Variants in MAP4 observed in about 807,000 individuals in gnomAD.
The protein encoded by MAP4 is microtubule associated protein 4, also known as microtubule-associated protein 4.
A neutral mutation model predicts 170.2 loss-of-function variants in MAP4; 76 were observed. The observed-to-expected ratio is 0.45, with a 90% CI of 0.37 to 0.54. The LOEUF (loss-of-function observed/expected upper bound fraction) is 0.54. MAP4 is among the 20% of genes least tolerant of loss of function. MAP4 has a pLI of 0.00. For synonymous variants in MAP4, 909 were observed against 994.5 expected, an observed-to-expected ratio of 0.91 and a Z score of 1.62; for missense variants, 2,506 against 2,748.0, an observed-to-expected ratio of 0.91 and a Z score of 1.97.
At chr3:48,052,244 C>CA (rs753707545) in intron 1 of MAP4, among the ~76,000 whole-genome samples, 1 of 152,100 alleles carries the variant, frequency 6.6e-6, no homozygotes, top group Non-Finnish European at 1.5e-5. Flanking sequence ...TTTTTTGAGA[C>CA]AGAGTCTCGC....
intron 10 of MAP4, among the ~76,000 whole-genome samples, chr3:47,887,716 A>T (rs181432086): frequency 1.2e-3 from 183 of 152,330 alleles, no homozygotes; most frequent in African/African-American, 4.2e-3. Flanking sequence ...TACCTCAGGG[A>T]TTGTAAATAC....
In MAP4 at chr3:47,911,086, G is replaced by A; in HGVS notation, c.3335C>T (p.Thr1112Ile). The A allele has an allele frequency of 1.3e-6, 2 of 1,536,152 alleles. No individual in the cohort carries two copies. The highest frequency in any genetic ancestry group is 1.2e-5 in the South Asian group (1 of 84,058). ...EPVSKTEGMT[T>I]QDKSEELGLN... Reference sequence around the variant, plus strand: ...CCCCAGCTCCTCACTCTTATCCTGAGTAGTCATTCCTTCAGTTTTAGAGAC... The same window carrying A: ...CCCCAGCTCCTCACTCTTATCCTGAATAGTCATTCCTTCAGTTTTAGAGAC... The change falls in exon 9 of 21, where the codon ACT becomes ATT. Residue 1112 changes from threonine to isoleucine, a missense_variant. Thr to Ile is a moderately conservative substitution (Grantham distance 89). Transcript: ENST00000683076. The surrounding 1 kb of genome is among the most constrained non-coding windows in gnomAD (Gnocchi z 4.0).
chr3:47,870,453 G>T (rs1344569324), intron 15 of MAP4, among the ~76,000 whole-genome samples: 1 of 152,184 alleles, frequency 6.6e-6, no homozygotes, highest in Non-Finnish European at 1.5e-5. Context: ...TGCAGGCTAA[G>T]AACCATGAAA....
At chr3:47,952,051 G>A (rs1407174934) in intron 3 of MAP4, among the ~76,000 whole-genome samples, 1 of 150,838 alleles carries the variant, frequency 6.6e-6, no homozygotes, top group East Asian at 2.0e-4. Flanking sequence ...GACCCCGTCT[G>A]GGAGGTGAGG....
intron 3 of MAP4, among the ~76,000 whole-genome samples, chr3:47,959,252 A>G (rs1317536719): frequency 6.6e-6 from 1 of 151,950 alleles, no homozygotes; most frequent in Non-Finnish European, 1.5e-5. Flanking sequence ...GGATCACCTG[A>G]GGTCAGGAGT....
intron 1 of MAP4, among the ~76,000 whole-genome samples, chr3:48,045,396 G>A (rs1032949197): frequency 3.3e-5 from 5 of 152,124 alleles, no homozygotes; most frequent in East Asian, 1.9e-4. Flanking sequence ...GAGCATCTCT[G>A]CCTCCTGTCA....
intron 3 of MAP4, among the ~76,000 whole-genome samples, chr3:47,944,563 A>T (rs963538638): frequency 1.3e-5 from 2 of 151,956 alleles, no homozygotes; most frequent in Non-Finnish European, 2.9e-5. Flanking sequence ...TTTGGGGAAA[A>T]TGCTAAACCA....
At chr3:48,055,194 C>CTCTCCGTCTCCGTCTCCG (rs1209559579) in intron 1 of MAP4, among the ~76,000 whole-genome samples, 1 of 98,744 alleles carries the variant, frequency 1.0e-5, no homozygotes, top group African/African-American at 3.0e-5. Flanking sequence ...CTCCCTCTCC[C>CTCTCCGTCTCCGTCTCCG]TCTCCGTCTC....
intron 3 of MAP4, among the ~76,000 whole-genome samples, chr3:47,942,805 A>C (rs2100057323): frequency 6.6e-6 from 1 of 152,192 alleles, no homozygotes; most frequent in African/African-American, 2.4e-5. Context: ...ACTTTTCTAT[A>C]AATTTGAAAT....
Position 47,875,740 on chromosome 3 carries a change from G to C in MAP4, c.5702C>G (p.Pro1901Arg). 1 of 1,613,914 alleles carries C rather than the reference G, an allele frequency of 6.2e-7. No homozygotes were observed. ...GGAAGGCCTGGCAGAGGCGACGGCA[G>C]GGCGTTTGGGTGGGGCAGCTGGCAC... ...GLVPAAPPKR[P>R]AVASARPSIL... Residue 1901 changes from proline (P) to arginine (R), a missense_variant, in exon 12 of 21, where the codon CCT (proline) becomes CGT (arginine). Physicochemically the swap from Pro to Arg is moderately radical, Grantham distance 103. This residue lies in a region of MAP4 where 487 missense variants were observed against 511.6 expected (regional missense o/e 0.95). Transcript: ENST00000683076.
chr3:47,927,750 C>T (rs1310119800), intron 4 of MAP4, among the ~76,000 whole-genome samples: 1 of 152,206 alleles, frequency 6.6e-6, no homozygotes, highest in Non-Finnish European at 1.5e-5. Context: ...GCTGGGATTA[C>T]AGGCATAACC....
At chr3:47,863,688 G>A (rs980934865) in intron 17 of MAP4, among the ~76,000 whole-genome samples, 2 of 151,918 alleles carry the variant, frequency 1.3e-5, no homozygotes, top group African/African-American at 2.4e-5. Flanking sequence ...AGGGTGAAAT[G>A]GAACCAAAAC....
At chr3:48,016,973 T>A (rs983380682), upstream of MAP4, among the ~76,000 whole-genome samples, 1 of 151,600 alleles carries the variant, frequency 6.6e-6, no homozygotes, top group African/African-American at 2.4e-5. Flanking sequence ...GAGACGAGGT[T>A]TCATCATGTT....
chr3:47,925,330 A>G (rs1054104200), intron 4 of MAP4, among the ~76,000 whole-genome samples: 1 of 152,006 alleles, frequency 6.6e-6, no homozygotes, highest in Non-Finnish European at 1.5e-5. Flanking sequence ...TTTTTTTCCT[A>G]CTCAAAATTG....
At chr3:47,882,326 G>A (rs2096896033) in intron 10 of MAP4, among the ~76,000 whole-genome samples, 1 of 152,066 alleles carries the variant, frequency 6.6e-6, no homozygotes. Context: ...TTACTGCTAT[G>A]TTAAGGCTTA....
chr3:47,970,929 G>C (rs1295206788), intron 3 of MAP4, among the ~76,000 whole-genome samples: 3 of 152,176 alleles, frequency 2.0e-5, no homozygotes, highest in Non-Finnish European at 4.4e-5. Context: ...AAATAACGTG[G>C]CTTAGAGTAT....
At chr3:48,013,261 AG>A (rs2100106205) in intron 1 of MAP4, among the ~76,000 whole-genome samples, 1 of 152,096 alleles carries the variant, frequency 6.6e-6, no homozygotes, top group African/African-American at 2.4e-5. Flanking sequence ...GATGTTCAGG[AG>A]GATCAAAAAA....
intron 13 of MAP4, 25 bp from the exon 14 acceptor site, chr3:47,871,311 T>C (rs1347847234): frequency 1.9e-6 from 3 of 1,567,932 alleles, no homozygotes; most frequent in Non-Finnish European, 1.8e-6. Context: ...CTTATTAATA[T>C]AACATTTAAC....
At chr3:48,048,025 A>T (rs1429516669) in intron 1 of MAP4, among the ~76,000 whole-genome samples, 10 of 152,212 alleles carry the variant, frequency 6.6e-5, no homozygotes, top group Admixed American at 6.6e-4. Flanking sequence ...GGATTGCTTG[A>T]GTCCAGGAGT....
Sources: allele counts gnomAD v4.1 joint callset (sites outside exome capture counted in the v4.1 genomes callset), GRCh38; gene constraint gnomAD v4.1.1; regional missense constraint gnomAD v4.1.1; non-coding constraint Gnocchi (gnomAD v3.1); transcripts MANE v1.5; gene names NCBI Gene and HGNC (gene_info 2026-07-23, HGNC 2026-07-21).